EYS: variants seen among roughly 807,000 people sequenced by gnomAD.
EYS encodes the protein EGF-like photoreceptor maintenance factor, also known as protein eyes shut homolog.
A neutral mutation model predicts 282.1 loss-of-function variants in EYS; 250 were observed. That is an observed-to-expected ratio of 0.89 (90% CI 0.80 to 0.98). The LOEUF is 0.98. Ranked by LOEUF, EYS falls within the 50% of genes least tolerant of loss-of-function variation. The pLI is 0.00. For synonymous variants in EYS, 1,355 were observed against 1,282.9 expected (o/e 1.06, Z -1.20); for missense variants, 4,016 against 3,709.0 (o/e 1.08, Z -2.15).
chr6:64,482,117 T>C (rs998909778), intron 26 of EYS, among the ~76,000 whole-genome samples: 4 of 151,680 alleles, frequency 2.6e-5, no homozygotes, highest in African/African-American at 7.3e-5. Context: ...CAATCAGAAT[T>C]ATATTTTTTA....
At chr6:65,212,351 TA>T (rs1303605860) in intron 12 of EYS, among the ~76,000 whole-genome samples, 1 of 152,068 alleles carries the variant, frequency 6.6e-6, no homozygotes, top group Non-Finnish European at 1.5e-5. Context: ...AGTAATCAGA[TA>T]AAATTTTTTC....
chr6:64,557,862 C>T (rs919755136), intron 26 of EYS, among the ~76,000 whole-genome samples: 1 of 151,310 alleles, frequency 6.6e-6, no homozygotes, highest in Admixed American at 6.6e-5. Flanking sequence ...TTTCATACTA[C>T]AATGTATGTC....
chr6:65,112,654 G>C (rs1262356906), intron 12 of EYS, among the ~76,000 whole-genome samples: 1 of 152,122 alleles, frequency 6.6e-6, no homozygotes, highest in African/African-American at 2.4e-5. Context: ...TTTAGAAGGA[G>C]AGATTTCCTT....
chr6:64,608,470 G>A (rs540837070), intron 24 of EYS, among the ~76,000 whole-genome samples: 20 of 152,236 alleles, frequency 1.3e-4, no homozygotes, highest in African/African-American at 4.8e-4. Context: ...TTTCTTGTGC[G>A]AATGCAAAAT....
intron 7 of EYS, among the ~76,000 whole-genome samples, chr6:65,394,871 A>G (rs1461173725): frequency 2.6e-5 from 4 of 152,062 alleles, no homozygotes; most frequent in Non-Finnish European, 5.9e-5. Flanking sequence ...AGTTGTCTTC[A>G]TCTTTTCCTC....
intron 29 of EYS, among the ~76,000 whole-genome samples, chr6:64,317,121 T>A (rs1770001907): frequency 6.6e-6 from 1 of 151,780 alleles, no homozygotes; most frequent in Admixed American, 6.6e-5. Flanking sequence ...TAGAAGAAAA[T>A]CTAGGCAATA....
rs1001374940 is a variant in EYS, at chr6:64,530,970, C to G, written c.5644+59253G>C. On this transcript the variant is annotated intron_variant, in intron 26 of 42. Transcript: ENST00000503581. ...GCCACTTTCGGGTTCTTCTGACACC[C>G]CACCTCTAACCTTTGATATGCCGGT... 3.3e-5 allele frequency among the ~76,000 whole-genome samples: 5 copies of G among 152,200 alleles called. No homozygotes were observed. In the East Asian group the frequency reaches 7.7e-4, roughly 24 times the overall value.
intron 14 of EYS, among the ~76,000 whole-genome samples, chr6:64,954,443 T>C (rs772547862): frequency 1.3e-5 from 2 of 152,170 alleles, no homozygotes; most frequent in Non-Finnish European, 2.9e-5. Context: ...TATAGTCTAA[T>C]ACCCAAAGCT....
At chr6:64,169,014 G>T (rs1764390605) in intron 31 of EYS, among the ~76,000 whole-genome samples, 1 of 152,108 alleles carries the variant, frequency 6.6e-6, no homozygotes. Flanking sequence ...ATTCCAGAAA[G>T]AAATTTTTCA....
rs191874651 is a variant in EYS, at chr6:64,025,171, C to G, written c.6726-25988G>C. Among the ~76,000 whole-genome samples the G allele has an allele frequency of 6.1e-3, 936 of 152,204 alleles. 3 individuals are homozygous for G. Among genetic ancestry groups the G allele is most frequent in the African/African-American group, 0.021 (885 of 41,532 alleles). ...AAAAGCAACTAGTGCGGCTGCCGGA[C>G]TAAAGACACGGGTGCCAGGCTTTCT... On this transcript the variant is annotated intron_variant, in intron 33 of 42. Transcript: ENST00000503581.
chr6:65,145,821 T>A (rs1764462987), intron 12 of EYS, among the ~76,000 whole-genome samples: 1 of 151,976 alleles, frequency 6.6e-6, no homozygotes, highest in Non-Finnish European at 1.5e-5. Context: ...ATAATGCATT[T>A]CAGAAGAATA....
At chr6:65,015,934 A>G (rs1772033284) in intron 13 of EYS, among the ~76,000 whole-genome samples, 1 of 149,928 alleles carries the variant, frequency 6.7e-6, no homozygotes. Flanking sequence ...AGTCCCAGCT[A>G]CTCAGGAGGC....
At position 64,945,794 on chromosome 6, in the gene EYS, G is replaced by A. The variant is rs371032798; in HGVS notation, c.2380C>T (p.Arg794Ter). 14 of 1,548,716 alleles carry A rather than the reference G, an allele frequency of 9.0e-6. No individual in the cohort carries two copies. Among genetic ancestry groups the A allele is most frequent in the East Asian group, 2.5e-5 (1 of 40,740 alleles). The change falls in exon 15 of 43, where the codon CGA becomes TGA. Residue 794 changes from arginine to a stop codon, truncating the protein, a stop_gained and splice_region_variant. Coordinates refer to ENST00000503581, the MANE Select transcript of EYS (RefSeq NM_001142800.2). LOFTEE classifies it high-confidence loss of function. ...STCTDLYKSYRCECTSGWTGQ... is the reference protein window; with the variant it reads ...STCTDLYKSY ...GAAAGCTAAAAATATGTTACTCACC[G>A]ATAGCTTTTGTAAAGGTCAGTACAG...
At chr6:65,039,655 A>G (rs1583424922) in intron 13 of EYS, among the ~76,000 whole-genome samples, 1 of 151,388 alleles carries the variant, frequency 6.6e-6, no homozygotes, top group African/African-American at 2.4e-5. Context: ...TTTTCTGCAT[A>G]TTTTCCTTTT....
At chr6:65,141,649 GTCTATCTA>G (rs66790325) in intron 12 of EYS, among the ~76,000 whole-genome samples, 43,935 of 130,952 alleles carry the variant, frequency 0.34, 6,707 homozygotes, top group East Asian at 0.4. Flanking sequence ...CTGTCTGTCT[GTCTATCTA>G]TCTATCTATC....
At chr6:64,007,262 G>A (rs1227368059) in intron 33 of EYS, among the ~76,000 whole-genome samples, 1 of 151,802 alleles carries the variant, frequency 6.6e-6, no homozygotes, top group Non-Finnish European at 1.5e-5. Context: ...ATTTCTTCTA[G>A]GTTTTCTAGT....
chr6:64,403,135 C>T (rs886205178), intron 28 of EYS, among the ~76,000 whole-genome samples: 1 of 151,722 alleles, frequency 6.6e-6, no homozygotes, highest in Non-Finnish European at 1.5e-5. Flanking sequence ...TCATTATAAG[C>T]AATTAAGCCA....
At chr6:64,310,476 G>A (rs1222798919) in intron 29 of EYS, among the ~76,000 whole-genome samples, 20 of 152,056 alleles carry the variant, frequency 1.3e-4, no homozygotes, top group Admixed American at 8.5e-4. Context: ...AACTAATACA[G>A]AAAAAGAAAA....
chr6:64,300,045 C>A (rs1347005312), intron 30 of EYS, among the ~76,000 whole-genome samples: 4 of 152,118 alleles, frequency 2.6e-5, no homozygotes. Flanking sequence ...ACAAGGGATA[C>A]CCTAGTTATG....
Sources: gnomAD v4.1 joint callset for allele counts (sites outside exome capture counted in the v4.1 genomes callset) on GRCh38, gnomAD v4.1.1 for gene constraint, MANE v1.5 for transcripts, NCBI Gene and HGNC (gene_info 2026-07-23, HGNC 2026-07-21) for gene names.